The following ACAP2 variants were observed in gnomAD, a reference collection of about 807,000 sequenced individuals.
ACAP2 encodes the protein ArfGAP with coiled-coil, ankyrin repeat and PH domains 2, also known as arf-GAP with coiled-coil, ANK repeat and PH domain-containing protein 2.
In ACAP2, 39 loss-of-function variants were observed where a neutral mutation model predicts 115.8. The ratio of observed to expected loss-of-function variants is 0.34; its 90% CI spans 0.26 to 0.44. The LOEUF (loss-of-function observed/expected upper bound fraction) is 0.44. Ranked by LOEUF, ACAP2 falls within the 20% of genes least tolerant of loss-of-function variation. ACAP2 has a pLI of 1.00. For synonymous variants in ACAP2, 289 were observed against 315.8 expected (o/e 0.92, Z 0.90); for missense variants, 662 against 927.6 (o/e 0.71, Z 3.72).
chr3:195,424,843 G>A (rs1168417041), intron 1 of ACAP2, among the ~76,000 whole-genome samples: 3 of 140,522 alleles, frequency 2.1e-5, no homozygotes, highest in Middle Eastern at 3.9e-3. Flanking sequence ...TTTGAGCCAA[G>A]AGGTCAAGGC....
At position 195,277,561 on chromosome 3, in the gene ACAP2, G is replaced by A. The variant is rs1453005044; in HGVS notation, c.*1767C>T. 1 of 152,136 alleles carries A rather than the reference G, an allele frequency of 6.6e-6. No individual in the cohort carries two copies. The highest frequency in any genetic ancestry group is 1.9e-4 in the East Asian group (1 of 5,204). The allele number at this position is 152,136 out of a possible 1,614,324, so 9.4% of individuals were successfully genotyped here. ...AATTATGGAACCTTTTCTGTAATGT[G>A]AACTTATTTCAATATAATTCCTGCT... On this transcript the variant is annotated 3_prime_UTR_variant, in exon 23 of 23. Coordinates refer to ENST00000326793, the MANE Select transcript of ACAP2 (RefSeq NM_012287.6).
At chr3:195,396,038 G>A (rs1364051312) in intron 1 of ACAP2, among the ~76,000 whole-genome samples, 1 of 151,954 alleles carries the variant, frequency 6.6e-6, no homozygotes, top group Non-Finnish European at 1.5e-5. Flanking sequence ...ATCACATAAG[G>A]TCAGGAGTTC....
At chr3:195,290,459 C>T (rs953344703) in intron 20 of ACAP2, among the ~76,000 whole-genome samples, 11 of 151,924 alleles carry the variant, frequency 7.2e-5, no homozygotes, top group South Asian at 2.1e-4. Context: ...AAAGTTTAAA[C>T]GATGAAGTTA....
At chr3:195,398,854 G>A (rs1404038263) in intron 1 of ACAP2, among the ~76,000 whole-genome samples, 1 of 152,066 alleles carries the variant, frequency 6.6e-6, no homozygotes, top group Non-Finnish European at 1.5e-5. Context: ...AAAGGGAGTA[G>A]TGGAAAAACA....
chr3:195,388,864 A>G (rs1438193460), intron 2 of ACAP2, among the ~76,000 whole-genome samples: 1 of 152,040 alleles, frequency 6.6e-6, no homozygotes, highest in Non-Finnish European at 1.5e-5. Flanking sequence ...TCTACTATAA[A>G]TACGAAAAAA....
intron 10 of ACAP2, among the ~76,000 whole-genome samples, chr3:195,317,532 C>A (rs1426179196): frequency 1.3e-5 from 2 of 152,062 alleles, no homozygotes; most frequent in Non-Finnish European, 2.9e-5. Flanking sequence ...AAAAGATAAT[C>A]ACTGATACCC....
At chr3:195,390,413 A>G (rs959240227) in intron 2 of ACAP2, among the ~76,000 whole-genome samples, 1 of 152,200 alleles carries the variant, frequency 6.6e-6, no homozygotes, top group African/African-American at 2.4e-5. Context: ...ATACAAAAAT[A>G]ACTTATCTCT....
chr3:195,328,494 T>C (rs1729950213), intron 8 of ACAP2, among the ~76,000 whole-genome samples: 1 of 152,190 alleles, frequency 6.6e-6, no homozygotes, highest in South Asian at 2.1e-4. Context: ...TATGCTACTC[T>C]ATGATCTAAT....
chr3:195,289,524 G>A (rs1340500164), intron 20 of ACAP2, among the ~76,000 whole-genome samples: 1 of 152,066 alleles, frequency 6.6e-6, no homozygotes, highest in East Asian at 1.9e-4. Context: ...AAAAAGGCCA[G>A]ACGTGGTGGC....
chr3:195,301,324 G>A (rs1238839345), intron 15 of ACAP2, among the ~76,000 whole-genome samples: 1 of 152,134 alleles, frequency 6.6e-6, no homozygotes. Context: ...CTGACCTCAT[G>A]ATCCGCCCGC....
At chr3:195,419,215 A>G (rs941590632) in intron 1 of ACAP2, among the ~76,000 whole-genome samples, 2 of 152,116 alleles carry the variant, frequency 1.3e-5, no homozygotes, top group South Asian at 4.1e-4. Flanking sequence ...TCCCATACCC[A>G]TTAGCAGTCA....
intron 10 of ACAP2, among the ~76,000 whole-genome samples, chr3:195,316,966 C>A (rs1354514342): frequency 7.7e-6 from 1 of 130,594 alleles, no homozygotes; most frequent in Non-Finnish European, 1.5e-5. Context: ...GGTGCAATCT[C>A]GGCTCACTGC....
intron 18 of ACAP2, among the ~76,000 whole-genome samples, chr3:195,293,075 C>T (rs1727374982): frequency 6.6e-6 from 1 of 152,146 alleles, no homozygotes; most frequent in Non-Finnish European, 1.5e-5. Context: ...ATTCAACCTT[C>T]TTCTTCTATA....
intron 9 of ACAP2, among the ~76,000 whole-genome samples, chr3:195,324,564 A>G (rs928635349): frequency 1.3e-5 from 2 of 151,932 alleles, no homozygotes; most frequent in African/African-American, 2.4e-5. Flanking sequence ...GACCATCCTG[A>G]CCAACATGAC....
intron 11 of ACAP2, 41 bp from the exon 12 acceptor site, chr3:195,307,364 G>A: frequency 1.7e-6 from 2 of 1,204,064 alleles, no homozygotes; most frequent in East Asian, 2.4e-5. Context: ...TTCCACTTAG[G>A]TTTTAATACT....
intron 2 of ACAP2, among the ~76,000 whole-genome samples, chr3:195,389,117 C>G (rs1734490390): frequency 6.6e-6 from 1 of 151,272 alleles, no homozygotes; most frequent in Non-Finnish European, 1.5e-5. Context: ...CGAGGGAAAA[C>G]AGTGATTTTT....
At chr3:195,303,537 A>G in intron 13 of ACAP2, among the ~76,000 whole-genome samples, 1 of 151,994 alleles carries the variant, frequency 6.6e-6, no homozygotes, top group South Asian at 2.1e-4. Flanking sequence ...CAGTGAGCCA[A>G]GATCATGACA....
chr3:195,295,914 T>C (rs1030623084), intron 16 of ACAP2, 22 bp from the exon 17 acceptor site: 2 of 1,590,976 alleles, frequency 1.3e-6, no homozygotes, highest in South Asian at 1.1e-5. Context: ...AAAAATGTCA[T>C]GATGTTTTGC....
At chr3:195,339,219 A>T (rs1730713056) in intron 6 of ACAP2, among the ~76,000 whole-genome samples, 1 of 152,292 alleles carries the variant, frequency 6.6e-6, no homozygotes, top group Non-Finnish European at 1.5e-5. Context: ...CGACACAGCA[A>T]GACTCCTTCT....
Sources: allele counts gnomAD v4.1 joint callset (sites outside exome capture counted in the v4.1 genomes callset), GRCh38; gene constraint gnomAD v4.1.1; transcripts MANE v1.5; gene names NCBI Gene and HGNC (gene_info 2026-07-23, HGNC 2026-07-21).